MAFA: variants seen among roughly 807,000 people sequenced by gnomAD.
MAFA encodes the protein transcription factor MafA.
For synonymous variants in MAFA, 244 were observed against 260.3 expected, an observed-to-expected ratio of 0.94 and a Z score of 0.60; for missense variants, 547 against 538.0, an observed-to-expected ratio of 1.02 and a Z score of -0.16.
At position 143,430,006 on chromosome 8, in the gene MAFA, G is replaced by A. The variant is rs867931919; in HGVS notation, c.401C>T (p.Thr134Met). 1 of 1,368,204 alleles carries A rather than the reference G, an allele frequency of 7.3e-7. No individual in the cohort carries two copies. The highest frequency in any genetic ancestry group is 1.6e-5 in the South Asian group (1 of 63,870). 84.8% of individuals were successfully genotyped at this position (1,368,204 alleles called of 1,614,324 possible). A position where few individuals can be genotyped will look rare whatever the true frequency, so the allele number is the denominator to read the frequency against. The part of the protein sequence containing the change: ...HHLNPEALNL[T>M]PEDAVEALIG... ...GAGCGCCTCCACCGCGTCCTCGGGC[G>A]TCAGGTTGAGCGCCTCGGGGTTGAG... Residue 134 changes from threonine to methionine, a missense_variant, in exon 1 of 1, where the codon ACG becomes ATG. Physicochemically the swap from Thr to Met is moderately conservative, Grantham distance 81. Coordinates refer to ENST00000333480, the MANE Select transcript of MAFA (RefSeq NM_201589.4).
rs1197935119 is a variant in MAFA, at chr8:143,428,500, C to G, written c.*845G>C. ...TAGAAATACTGTGCATTACTTTTTTCTTTCACTTCTCTTGAAGGTTAAAAC... is the reference window on the plus strand; with the variant it reads ...TAGAAATACTGTGCATTACTTTTTTGTTTCACTTCTCTTGAAGGTTAAAAC... On this transcript the variant is annotated 3_prime_UTR_variant, in exon 1 of 1. Transcript: ENST00000333480. The G allele has an allele frequency of 6.6e-6, 1 of 152,144 alleles. No individual in the cohort carries two copies. The highest frequency in any genetic ancestry group is 1.5e-5 in the Non-Finnish European group (1 of 68,012). The allele number at this position is 152,144 out of a possible 1,614,324, so 9.4% of individuals were successfully genotyped here.
Position 143,429,486 on chromosome 8 carries a change from C to T in MAFA, c.921G>A (p.Arg307=). 1 of 1,604,326 alleles carries T rather than the reference C, an allele frequency of 6.2e-7. No homozygotes were observed. ...TCTCGTATTTCTCCTTGTACAGGTC[C>T]CGCTCTTTGGCCAGGCGCCCCACCT... ...KLEVGRLAKE[R]DLYKEKYEKL... is the part of the protein sequence containing the mutation. Residue 307 remains arginine, a synonymous_variant, in exon 1 of 1, where the codon CGG becomes CGA. Transcript: ENST00000333480. This position sits in a 1 kb window ranked among gnomAD's most constrained non-coding sequence, Gnocchi z 5.9.
chr8:143,429,418 C>G lies in MAFA; in HGVS notation c.989G>C (p.Gly330Ala). 1 of 1,518,276 alleles carries G rather than the reference C, an allele frequency of 6.6e-7. No individual in the cohort carries two copies. The highest frequency in any genetic ancestry group is 8.8e-7 in the Non-Finnish European group (1 of 1,142,854). 94.1% of individuals were successfully genotyped at this position (1,518,276 alleles called of 1,614,324 possible). A position where few individuals can be genotyped will look rare whatever the true frequency, so the allele number is the denominator to read the frequency against. Reference protein sequence around the residue: ...RGGPGSAGGAGFPREPSPPQA... With the variant: ...RGGPGSAGGAAFPREPSPPQA... Reference sequence around the variant, plus strand: ...CGGCGGCGAAGGCTCCCGCGGGAAACCGGCCCCGCCCGCGCTCCCGGGGCC... The same window carrying G: ...CGGCGGCGAAGGCTCCCGCGGGAAAGCGGCCCCGCCCGCGCTCCCGGGGCC... Residue 330 changes from glycine (G) to alanine (A), a missense_variant, in exon 1 of 1, where the codon GGT becomes GCT. Gly to Ala is a moderately conservative substitution (Grantham distance 60, BLOSUM62 0). Coordinates refer to ENST00000333480, the MANE Select transcript of MAFA (RefSeq NM_201589.4). This position sits in a 1 kb window ranked among gnomAD's most constrained non-coding sequence, Gnocchi z 5.9.
In MAFA at chr8:143,429,984, C is replaced by T; in HGVS notation, c.423G>A (p.Ala141=). The T allele has an allele frequency of 2.3e-6, 3 of 1,326,524 alleles. No individual in the cohort carries two copies. The highest frequency in any genetic ancestry group is 3.2e-5 in the Admixed American group (1 of 31,042). 82.2% of individuals were successfully genotyped at this position (1,326,524 alleles called of 1,614,324 possible). A position where few individuals can be genotyped will look rare whatever the true frequency, so the allele number is the denominator to read the frequency against. The change falls in exon 1 of 1, where the codon GCG becomes GCA. Residue 141 remains alanine (A), a synonymous_variant. Transcript: ENST00000333480. This position sits in a 1 kb window ranked among gnomAD's most constrained non-coding sequence, Gnocchi z 5.9. ...LNLTPEDAVE[A]LIGSGHHGAH... is the part of the protein sequence containing the mutation. ...CGCCGTGGTGGCCGCTGCCGATGAG[C>T]GCCTCCACCGCGTCCTCGGGCGTCA...
At position 143,429,982 on chromosome 8, in the gene MAFA, A is replaced by G. The variant is rs1819515271; in HGVS notation, c.425T>C (p.Leu142Pro). The G allele has an allele frequency of 1.5e-6, 2 of 1,312,664 alleles. No individual in the cohort carries two copies. The highest frequency in any genetic ancestry group is 1.9e-5 in the South Asian group (1 of 52,282). 81.3% of individuals were successfully genotyped at this position (1,312,664 alleles called of 1,614,324 possible). The change falls in exon 1 of 1, where the codon CTC becomes CCC. Residue 142 changes from leucine (L) to proline (P), a missense_variant. Transcript: ENST00000333480. This position sits in a 1 kb window ranked among gnomAD's most constrained non-coding sequence, Gnocchi z 5.9. ...CGCGCCGTGGTGGCCGCTGCCGATG[A>G]GCGCCTCCACCGCGTCCTCGGGCGT... ...NLTPEDAVEA[L>P]IGSGHHGAHH...
In MAFA at chr8:143,430,413, G is replaced by A; in HGVS notation, c.-7C>T. 2 of 1,256,506 alleles carry A rather than the reference G, an allele frequency of 1.6e-6. No individual in the cohort carries two copies. The highest frequency in any genetic ancestry group is 2.0e-6 in the Non-Finnish European group (2 of 988,560). The allele number at this position is 1,256,506 out of a possible 1,614,324, so 77.8% of individuals were successfully genotyped here. ...TCGCCAGCTCCGCGGCCATCGCCCG[G>A]GGCCCGCGCCCGGCCGCGCCCCGAC... On this transcript the variant is annotated 5_prime_UTR_variant, in exon 1 of 1. Coordinates refer to ENST00000333480, the MANE Select transcript of MAFA (RefSeq NM_201589.4).
In MAFA at chr8:143,429,611, C is replaced by A. The variant is rs761090493; in HGVS notation, c.796G>T (p.Gly266Cys). ...TTGAAGCGGCAGGACTGCGCGTAGC[C>A]GCGGTTCTTGAGCGTGCGCCGCTTC... ...KQKRRTLKNR[G>C]YAQSCRFKRV... is the part of the protein sequence containing the mutation. The change falls in exon 1 of 1, where the codon GGC (glycine) becomes TGC (cysteine). Residue 266 changes from glycine to cysteine, a missense_variant. Coordinates refer to ENST00000333480, the MANE Select transcript of MAFA (RefSeq NM_201589.4). The surrounding 1 kb of genome is among the most constrained non-coding windows in gnomAD (Gnocchi z 5.9). 17 of 1,599,212 alleles carry A rather than the reference C, an allele frequency of 1.1e-5. No individual in the cohort carries two copies. Among genetic ancestry groups the A allele is most frequent in the Non-Finnish European group, 1.4e-5 (17 of 1,178,170 alleles).
At position 143,430,475 on chromosome 8, in the gene MAFA, TC is replaced by T. The variant is rs1054472548; in HGVS notation, c.-70del. 9.6e-4 allele frequency: 399 copies of T among 414,596 alleles called. No homozygotes were observed. Among genetic ancestry groups the T allele is most frequent in the South Asian group, 1.7e-3 (16 of 9,304 alleles). The allele number at this position is 414,596 out of a possible 1,614,324, so 25.7% of individuals were successfully genotyped here. ...GAGTGGGGGGGGAGCTGCAGGCCTC[TC>T]CCCCCCCTGCTCCCCGCGGGCGGCG... On this transcript the variant is annotated 5_prime_UTR_variant, in exon 1 of 1. Transcript: ENST00000333480.
chr8:143,429,334 G>C lies in MAFA; in HGVS notation c.*11C>G, dbSNP rs781699631. ...CCCCGGCGACGGCGGCGCGGGCTCG[G>C]GGTCCGGCGCCTACAGGAAGAAGTC... On this transcript the variant is annotated 3_prime_UTR_variant, in exon 1 of 1. Coordinates refer to ENST00000333480, the MANE Select transcript of MAFA (RefSeq NM_201589.4). This position sits in a 1 kb window ranked among gnomAD's most constrained non-coding sequence, Gnocchi z 5.9. The C allele has an allele frequency of 3.1e-5, 42 of 1,334,334 alleles. No individual in the cohort carries two copies. The highest frequency in any genetic ancestry group is 7.6e-6 in the Non-Finnish European group (8 of 1,052,652). 82.7% of individuals were successfully genotyped at this position (1,334,334 alleles called of 1,614,324 possible).
rs775887773 is a variant in MAFA at position 143,429,979 on chromosome 8, A to T, written c.428T>A (p.Ile143Asn). 7.6e-7 allele frequency: 1 copy of T among 1,311,332 alleles called. No homozygotes were observed. The highest frequency in any genetic ancestry group is 1.9e-5 in the South Asian group (1 of 52,170). 81.2% of individuals were successfully genotyped at this position (1,311,332 alleles called of 1,614,324 possible). A position where few individuals can be genotyped will look rare whatever the true frequency, so the allele number is the denominator to read the frequency against. Residue 143 changes from isoleucine to asparagine, a missense_variant, in exon 1 of 1, where the codon ATC becomes AAC. Ile to Asn is a moderately radical substitution (Grantham distance 149, BLOSUM62 -3). Transcript: ENST00000333480. The surrounding 1 kb of genome is among the most constrained non-coding windows in gnomAD (Gnocchi z 5.9). Reference protein sequence around the residue: ...LTPEDAVEALIGSGHHGAHHG... With the variant: ...LTPEDAVEALNGSGHHGAHHG... ...GTGCGCGCCGTGGTGGCCGCTGCCG[A>T]TGAGCGCCTCCACCGCGTCCTCGGG... is the stretch of plus-strand genomic sequence containing the variant.
Position 143,428,069 on chromosome 8 carries a change from T to G in MAFA, c.*1276A>C, listed in dbSNP as rs1819476883. On this transcript the variant is annotated 3_prime_UTR_variant, in exon 1 of 1. Transcript: ENST00000333480. Reference sequence around the variant, plus strand: ...ACCAGCCAGGCTGCGGTGACTTGGATCTGAACAGATTTATTTTGTGTATTT... The same window carrying G: ...ACCAGCCAGGCTGCGGTGACTTGGAGCTGAACAGATTTATTTTGTGTATTT... 1 of 152,238 alleles carries G rather than the reference T, an allele frequency of 6.6e-6. No homozygotes were observed. The highest frequency in any genetic ancestry group is 2.1e-4 in the South Asian group (1 of 4,830). 9.4% of individuals were successfully genotyped at this position (152,238 alleles called of 1,614,324 possible). A position where few individuals can be genotyped will look rare whatever the true frequency, so the allele number is the denominator to read the frequency against.
Position 143,430,496 on chromosome 8 carries a change from GC to G in MAFA, c.-91del, listed in dbSNP as rs1249256930. Reference sequence around the variant, plus strand: ...CCTCTCCCCCCCCTGCTCCCCGCGGGCGGCGGTCCCGGCGGGGGCGGGGGGG... The same window carrying G: ...CCTCTCCCCCCCCTGCTCCCCGCGGGGGCGGTCCCGGCGGGGGCGGGGGGG... On this transcript the variant is annotated 5_prime_UTR_variant, in exon 1 of 1. Coordinates refer to ENST00000333480, the MANE Select transcript of MAFA (RefSeq NM_201589.4). The G allele has an allele frequency of 5.6e-6, 2 of 356,776 alleles. No homozygotes were observed. Among genetic ancestry groups the G allele is most frequent in the African/African-American group, 4.5e-5 (2 of 44,504 alleles). The allele number at this position is 356,776 out of a possible 1,614,324, so 22.1% of individuals were successfully genotyped here. A position where few individuals can be genotyped will look rare whatever the true frequency, so the allele number is the denominator to read the frequency against.
In MAFA at chr8:143,429,607, T is replaced by TAGC. The variant is rs1819499920; in HGVS notation, c.797_799dup (p.Gly266_Tyr267insCys). 6.3e-7 allele frequency: 1 copy of TAGC among 1,599,784 alleles called. No individual in the cohort carries two copies. Among genetic ancestry groups the TAGC allele is most frequent in the Non-Finnish European group, 8.5e-7 (1 of 1,178,454 alleles). ...CCGCTTGAAGCGGCAGGACTGCGCG[T>TAGC]AGCCGCGGTTCTTGAGCGTGCGCCG... On this transcript the variant is annotated inframe_insertion, in exon 1 of 1. Transcript: ENST00000333480. This position sits in a 1 kb window ranked among gnomAD's most constrained non-coding sequence, Gnocchi z 5.9.
Position 143,429,603 on chromosome 8 carries a change from C to T in MAFA, c.804G>A (p.Ala268=). The part of the protein sequence containing the change: ...KRRTLKNRGY[A]QSCRFKRVQQ... ...GCACCCGCTTGAAGCGGCAGGACTG[C>T]GCGTAGCCGCGGTTCTTGAGCGTGC... The change falls in exon 1 of 1, where the codon GCG becomes GCA. Residue 268 remains alanine (A), a synonymous_variant. Coordinates refer to ENST00000333480, the MANE Select transcript of MAFA (RefSeq NM_201589.4). The surrounding 1 kb of genome is among the most constrained non-coding windows in gnomAD (Gnocchi z 5.9). The T allele has an allele frequency of 6.2e-7, 1 of 1,600,020 alleles. No individual in the cohort carries two copies. The highest frequency in any genetic ancestry group is 1.3e-5 in the African/African-American group (1 of 74,918).
Position 143,429,930 on chromosome 8 carries a change from G to T in MAFA, c.477C>A (p.Ala159=). 1.6e-6 allele frequency: 2 copies of T among 1,263,588 alleles called. No individual in the cohort carries two copies. Among genetic ancestry groups the T allele is most frequent in the Non-Finnish European group, 2.0e-6 (2 of 1,007,886 alleles). The allele number at this position is 1,263,588 out of a possible 1,614,324, so 78.3% of individuals were successfully genotyped here. A position where few individuals can be genotyped will look rare whatever the true frequency, so the allele number is the denominator to read the frequency against. Residue 159 remains alanine, a synonymous_variant, in exon 1 of 1, where the codon GCC becomes GCA. Coordinates refer to ENST00000333480, the MANE Select transcript of MAFA (RefSeq NM_201589.4). This position sits in a 1 kb window ranked among gnomAD's most constrained non-coding sequence, Gnocchi z 5.9. ...CGCGGAAAGCCTCGTAGGCTGCGGC[G>T]GCCGCCGGGTGGTGCGCGCCGTGGT... The part of the protein sequence containing the change: ...GAHHGAHHPA[A]AAAYEAFRGP...
In MAFA at chr8:143,430,418, C is replaced by T. The variant is rs1246874651; in HGVS notation, c.-12G>A. ...AGCTCCGCGGCCATCGCCCGGGGCCCGCGCCCGGCCGCGCCCCGACGGGCG... is the reference window on the plus strand; with the variant it reads ...AGCTCCGCGGCCATCGCCCGGGGCCTGCGCCCGGCCGCGCCCCGACGGGCG... On this transcript the variant is annotated 5_prime_UTR_variant, in exon 1 of 1. Coordinates refer to ENST00000333480, the MANE Select transcript of MAFA (RefSeq NM_201589.4). 1.7e-6 allele frequency: 2 copies of T among 1,169,620 alleles called. No homozygotes were observed. The highest frequency in any genetic ancestry group is 2.1e-6 in the Non-Finnish European group (2 of 933,160). 72.5% of individuals were successfully genotyped at this position (1,169,620 alleles called of 1,614,324 possible).
At position 143,429,919 on chromosome 8, in the gene MAFA, T is replaced by A. The variant is rs1305463354; in HGVS notation, c.488A>T (p.Tyr163Phe). 9.5e-6 allele frequency: 12 copies of A among 1,263,196 alleles called. No homozygotes were observed. Among genetic ancestry groups the A allele is most frequent in the Non-Finnish European group, 1.2e-5 (12 of 1,010,686 alleles). The allele number at this position is 1,263,196 out of a possible 1,614,324, so 78.2% of individuals were successfully genotyped here. The change falls in exon 1 of 1, where the codon TAC becomes TTC. Residue 163 changes from tyrosine to phenylalanine, a missense_variant. Transcript: ENST00000333480. The surrounding 1 kb of genome is among the most constrained non-coding windows in gnomAD (Gnocchi z 5.9). ...GAHHPAAAAA[Y>F]EAFRGPGFAG... ...GAAGCCCGGGCCGCGGAAAGCCTCG[T>A]AGGCTGCGGCGGCCGCCGGGTGGTG...
chr8:143,429,660 C>T lies in MAFA; in HGVS notation c.747G>A (p.Lys249=). Residue 249 remains lysine (K), a synonymous_variant, in exon 1 of 1, where the codon AAG becomes AAA. Transcript: ENST00000333480. This position sits in a 1 kb window ranked among gnomAD's most constrained non-coding sequence, Gnocchi z 5.9. ...TCTGCTTGAGCCGGATGACCTCCTC[C>T]TTGCTGAAGCCGCGGAGCTGCCGGT... ...ELNRQLRGFS[K]EEVIRLKQKR... The T allele has an allele frequency of 6.3e-7, 1 of 1,584,206 alleles. No homozygotes were observed. The highest frequency in any genetic ancestry group is 2.3e-5 in the East Asian group (1 of 43,770).
chr8:143,429,580 A>G lies in MAFA; in HGVS notation c.827T>C (p.Val276Ala), dbSNP rs1281285737. The G allele has an allele frequency of 6.2e-7, 1 of 1,603,346 alleles. No individual in the cohort carries two copies. The highest frequency in any genetic ancestry group is 1.7e-5 in the Admixed American group (1 of 59,906). The change falls in exon 1 of 1, where the codon GTG becomes GCG. Residue 276 changes from valine (V) to alanine (A), a missense_variant. Val to Ala is a moderately conservative substitution (Grantham distance 64). Transcript: ENST00000333480. The surrounding 1 kb of genome is among the most constrained non-coding windows in gnomAD (Gnocchi z 5.9). ...GCTCTCCAGAATGTGCCGCTGCTGCACCCGCTTGAAGCGGCAGGACTGCGC... is the reference window on the plus strand; with the variant it reads ...GCTCTCCAGAATGTGCCGCTGCTGCGCCCGCTTGAAGCGGCAGGACTGCGC... ...GYAQSCRFKR[V>A]QQRHILESEK... is the part of the protein sequence containing the mutation.
Sources: gnomAD v4.1 joint callset for allele counts on GRCh38, gnomAD v4.1.1 for gene constraint, Gnocchi (gnomAD v3.1) non-coding constraint, MANE v1.5 for transcripts, NCBI Gene and HGNC (gene_info 2026-07-23, HGNC 2026-07-21) for gene names.